Variants in LGR5 observed in about 807,000 individuals in gnomAD.
LGR5 encodes leucine rich repeat containing G protein-coupled receptor 5.
Under a neutral mutation model 76.7 loss-of-function variants are expected in LGR5, and 54 were observed. That is an observed-to-expected ratio of 0.70 (90% CI 0.57 to 0.88). The LOEUF (loss-of-function observed/expected upper bound fraction) is 0.88, where lower values mean the gene tolerates loss of function less well. Among genes scored for constraint, LGR5 ranks in the 40% least tolerant of loss-of-function variants. The probability of loss-of-function intolerance (pLI) is 0.00; values close to 1 mark genes in which losing one functional copy is unlikely to be tolerated. For synonymous variants in LGR5, 406 were observed against 421.9 expected (o/e 0.96, Z 0.46); for missense variants, 1,078 against 1,073.3 (o/e 1.00, Z -0.06).
At chr12:71,577,310 C>T (rs571412604) in intron 13 of LGR5, among the ~76,000 whole-genome samples, 1 of 152,188 alleles carries the variant, frequency 6.6e-6, no homozygotes, top group African/African-American at 2.4e-5. Flanking sequence ...CAGTTCATTA[C>T]TTGTCCATGG....
At chr12:71,480,846 T>C (rs1873566514) in intron 1 of LGR5, among the ~76,000 whole-genome samples, 1 of 152,144 alleles carries the variant, frequency 6.6e-6, no homozygotes, top group Admixed American at 6.5e-5. Context: ...AGTGTTACAG[T>C]ACATTAGGGC....
intron 1 of LGR5, among the ~76,000 whole-genome samples, chr12:71,456,361 G>C (rs939290508): frequency 1.3e-5 from 2 of 152,186 alleles, no homozygotes; most frequent in Admixed American, 6.5e-5. Flanking sequence ...AAACTGCAGT[G>C]ACCAGGGTAT....
intron 1 of LGR5, among the ~76,000 whole-genome samples, chr12:71,442,756 G>T (rs1037181599): frequency 5.3e-5 from 8 of 152,136 alleles, no homozygotes; most frequent in African/African-American, 1.9e-4. Context: ...AGACATTAAG[G>T]GTAGATGATG....
intron 1 of LGR5, among the ~76,000 whole-genome samples, chr12:71,463,198 T>G (rs2137230411): frequency 6.6e-6 from 1 of 152,316 alleles, no homozygotes; most frequent in East Asian, 1.9e-4. Context: ...AAAGTTCACA[T>G]TCCTGGGTAC....
At chr12:71,556,573 G>A (rs1383952418) in intron 5 of LGR5, 46 bp from the exon 6 acceptor site, 9 of 1,160,850 alleles carry the variant, frequency 7.8e-6, no homozygotes, top group Non-Finnish European at 1.2e-5. Context: ...GTTAAGTGTG[G>A]TCTGTGCAGT....
At chr12:71,453,551 T>G (rs1009648796) in intron 1 of LGR5, among the ~76,000 whole-genome samples, 25 of 151,940 alleles carry the variant, frequency 1.6e-4, no homozygotes, top group African/African-American at 6.0e-4. Context: ...TCTTGTGCTC[T>G]TAGAAGCACC....
chr12:71,527,410 G>A (rs1876070925), intron 3 of LGR5, among the ~76,000 whole-genome samples: 1 of 152,146 alleles, frequency 6.6e-6, no homozygotes, highest in Admixed American at 6.6e-5. Flanking sequence ...GGTGAGGGCT[G>A]CTTTCTGCTT....
At chr12:71,561,920 A>G in intron 8 of LGR5, 68 bp downstream of exon 8, 6 of 932,802 alleles carry the variant, frequency 6.4e-6, no homozygotes, top group South Asian at 4.9e-5. Flanking sequence ...TTTGAAATAC[A>G]ATGAATATTC....
At chr12:71,461,522 C>A (rs1263144114) in intron 1 of LGR5, among the ~76,000 whole-genome samples, 1 of 152,162 alleles carries the variant, frequency 6.6e-6, no homozygotes, top group Non-Finnish European at 1.5e-5. Flanking sequence ...TAGCATAGCA[C>A]TTGGCACATC....
intron 1 of LGR5, chr12:71,448,863 A>T (rs1287078225): frequency 6.6e-6 from 1 of 152,220 alleles, no homozygotes; most frequent in Non-Finnish European, 1.5e-5. Flanking sequence ...TTGTCTTTGT[A>T]CTTCCTGTCC....
chr12:71,460,998 T>G (rs1174239403), intron 1 of LGR5, among the ~76,000 whole-genome samples: 1 of 152,182 alleles, frequency 6.6e-6, no homozygotes, highest in Non-Finnish European at 1.5e-5. Flanking sequence ...AACAGAACCA[T>G]GACAGATCTT....
intron 1 of LGR5, among the ~76,000 whole-genome samples, chr12:71,494,562 G>A (rs956097324): frequency 1.3e-5 from 2 of 151,132 alleles, no homozygotes; most frequent in African/African-American, 4.9e-5. Flanking sequence ...TGTGGCCACT[G>A]CAACTTCAAA....
chr12:71,487,914 T>C (rs184431864), intron 1 of LGR5, among the ~76,000 whole-genome samples: 4 of 152,320 alleles, frequency 2.6e-5, no homozygotes, highest in African/African-American at 9.6e-5. Context: ...ACAGTAGTTA[T>C]ACGCCATCCC....
At chr12:71,488,569 G>A (rs1332391626) in intron 1 of LGR5, among the ~76,000 whole-genome samples, 1 of 152,144 alleles carries the variant, frequency 6.6e-6, no homozygotes, top group Non-Finnish European at 1.5e-5. Flanking sequence ...TTCTTCACCT[G>A]GTGAAAATAT....
At chr12:71,537,507 C>T (rs981921243) in intron 4 of LGR5, among the ~76,000 whole-genome samples, 18 of 151,386 alleles carry the variant, frequency 1.2e-4, no homozygotes, top group Admixed American at 9.9e-4. Context: ...AAGAAAAGAG[C>T]ATGATAAACA....
At chr12:71,475,273 A>G (rs1187459147) in intron 1 of LGR5, among the ~76,000 whole-genome samples, 1 of 152,250 alleles carries the variant, frequency 6.6e-6, no homozygotes, top group Non-Finnish European at 1.5e-5. Context: ...AAACTAAAAT[A>G]TACTATACAA....
chr12:71,543,031 A>AG (rs62863160), intron 4 of LGR5, among the ~76,000 whole-genome samples: 147,787 of 152,224 alleles, frequency 0.97, 71,899 homozygotes, highest in Middle Eastern at 1. Context: ...CTTCAGCACC[A>AG]GTAGAGTAGC....
At chr12:71,466,703 G>A (rs1872880150) in intron 1 of LGR5, among the ~76,000 whole-genome samples, 1 of 151,796 alleles carries the variant, frequency 6.6e-6, no homozygotes, top group Non-Finnish European at 1.5e-5. Context: ...AGGTAAGGAA[G>A]AGCTGGAAAA....
chr12:71,569,394 T>G (rs1480631063), intron 11 of LGR5, among the ~76,000 whole-genome samples: 2 of 152,150 alleles, frequency 1.3e-5, no homozygotes, highest in African/African-American at 4.8e-5. Flanking sequence ...AGGAGAAAAT[T>G]TTTGCAATCT....
Sources: gnomAD v4.1 joint callset for allele counts (sites outside exome capture counted in the v4.1 genomes callset) on GRCh38, gnomAD v4.1.1 for gene constraint, MANE v1.5 for transcripts, NCBI Gene and HGNC (gene_info 2026-07-23, HGNC 2026-07-21) for gene names.